The following CTNNA2 variants were observed in gnomAD, a reference collection of about 807,000 sequenced individuals.
CTNNA2 encodes catenin alpha 2, also known as catenin alpha-2.
A neutral mutation model predicts 101.0 loss-of-function variants in CTNNA2; 42 were observed. That is an observed-to-expected ratio of 0.42 (90% confidence interval 0.32 to 0.54). The LOEUF is 0.54. CTNNA2 is among the 20% of genes least tolerant of loss of function. The pLI is 0.14. For synonymous variants in CTNNA2, 450 were observed against 456.4 expected (o/e 0.99, Z 0.18); for missense variants, 871 against 1,223.1 (o/e 0.71, Z 4.29).
At chr2:80,593,894 G>C (rs995622990) in intron 15 of CTNNA2, among the ~76,000 whole-genome samples, 1 of 152,062 alleles carries the variant, frequency 6.6e-6, no homozygotes, top group African/African-American at 2.4e-5. Context: ...TAAGCACTTG[G>C]GTTGCTTCCA....
At chr2:80,227,410 G>A (rs1295170063) in intron 7 of CTNNA2, among the ~76,000 whole-genome samples, 1 of 152,208 alleles carries the variant, frequency 6.6e-6, no homozygotes, top group Non-Finnish European at 1.5e-5. Flanking sequence ...AGCACTGGAA[G>A]CTTGTCCACG....
At chr2:80,062,086 G>C (rs564380235) in intron 7 of CTNNA2, among the ~76,000 whole-genome samples, 14 of 152,306 alleles carry the variant, frequency 9.2e-5, no homozygotes, top group Admixed American at 4.6e-4. Flanking sequence ...CATTGCCACT[G>C]TAGCTTTGAG....
intron 2 of CTNNA2, among the ~76,000 whole-genome samples, chr2:79,665,000 C>G (rs1168782728): frequency 1.3e-5 from 2 of 152,120 alleles, no homozygotes; most frequent in African/African-American, 4.8e-5. Context: ...CGTGAGCCAC[C>G]GTTCCCGGCC....
chr2:79,775,693 T>A (rs1673910403), intron 3 of CTNNA2, among the ~76,000 whole-genome samples: 1 of 152,154 alleles, frequency 6.6e-6, no homozygotes, highest in Non-Finnish European at 1.5e-5. Context: ...CATTAGGCCA[T>A]TTTTTTATGT....
chr2:79,441,703 T>G (rs1678779738), intron 4 of CTNNA2, among the ~76,000 whole-genome samples: 1 of 152,170 alleles, frequency 6.6e-6, no homozygotes. Flanking sequence ...ACTTTTAAAA[T>G]GTATATGAGA....
At chr2:79,350,348 A>G (rs1677359964) in intron 3 of CTNNA2, among the ~76,000 whole-genome samples, 1 of 152,022 alleles carries the variant, frequency 6.6e-6, no homozygotes, top group African/African-American at 2.4e-5. Context: ...TTGTGTACCC[A>G]TTGTTTAGCT....
intron 7 of CTNNA2, among the ~76,000 whole-genome samples, chr2:80,188,477 T>A (rs1375666557): frequency 6.6e-6 from 1 of 152,070 alleles, no homozygotes. Flanking sequence ...CAACAAAAAT[T>A]TATTATCTGA....
intron 12 of CTNNA2, among the ~76,000 whole-genome samples, chr2:80,571,534 T>C (rs1694595349): frequency 1.3e-5 from 2 of 152,216 alleles, no homozygotes; most frequent in Non-Finnish European, 2.9e-5. Flanking sequence ...AAGTGGTATA[T>C]ATCCTTTTAG....
chr2:80,281,034 C>T lies in CTNNA2; in HGVS notation c.1057-112177C>T, dbSNP rs577217950. On this transcript the variant is annotated intron_variant, in intron 7 of 18. Coordinates refer to ENST00000402739, the MANE Select transcript of CTNNA2 (RefSeq NM_001282597.3). ...ATTTTTGAAATGCTGCAGGGAAACG[C>T]CATCATTTCTCTCTGCCTTCTCAAG... 7.2e-5 allele frequency among the ~76,000 whole-genome samples: 11 copies of T among 152,224 alleles called. No homozygotes were observed. In the East Asian group the frequency reaches 1.7e-3, roughly 24 times the overall value.
intron 7 of CTNNA2, among the ~76,000 whole-genome samples, chr2:80,096,928 A>T (rs1285211378): frequency 6.6e-6 from 1 of 152,156 alleles, no homozygotes; most frequent in Non-Finnish European, 1.5e-5. Context: ...TCTCCTGAAT[A>T]CAGCACACTG....
intron 4 of CTNNA2, among the ~76,000 whole-genome samples, chr2:79,382,708 G>T (rs988115381): frequency 1.3e-5 from 2 of 152,110 alleles, no homozygotes; most frequent in African/African-American, 2.4e-5. Flanking sequence ...CTGCCTCCCG[G>T]GTTCATGCCA....
At chr2:79,874,386 T>TAA (rs1558601764) in intron 6 of CTNNA2, 44 bp downstream of exon 6, 1 of 1,559,540 alleles carries the variant, frequency 6.4e-7, no homozygotes, top group Non-Finnish European at 8.6e-7. Flanking sequence ...GCACTGGTGT[T>TAA]GACAAAAAAA....
intron 1 of CTNNA2, among the ~76,000 whole-genome samples, chr2:79,620,423 C>T (rs541928301): frequency 2.0e-5 from 3 of 152,250 alleles, no homozygotes; most frequent in East Asian, 3.9e-4. Flanking sequence ...GAAATGTCAC[C>T]TTATATGTGA....
intron 8 of CTNNA2, among the ~76,000 whole-genome samples, chr2:80,395,887 G>A (rs1677966672): frequency 6.6e-6 from 1 of 152,130 alleles, no homozygotes; most frequent in Admixed American, 6.6e-5. Flanking sequence ...AAATATTTTA[G>A]TTTATAAAAA....
intron 3 of CTNNA2, among the ~76,000 whole-genome samples, chr2:79,351,462 G>A (rs1327445350): frequency 2.0e-5 from 3 of 152,042 alleles, no homozygotes; most frequent in Admixed American, 6.6e-5. Flanking sequence ...ACAATCGGGG[G>A]TACATGTGCA....
At chr2:80,631,868 G>T (rs1390150770) in intron 18 of CTNNA2, among the ~76,000 whole-genome samples, 4 of 152,102 alleles carry the variant, frequency 2.6e-5, no homozygotes, top group African/African-American at 9.7e-5. Flanking sequence ...CGCCTAAAGT[G>T]ATGTAGTACT....
chr2:79,869,356 A>G (rs1190663691), intron 4 of CTNNA2, among the ~76,000 whole-genome samples: 1 of 152,244 alleles, frequency 6.6e-6, no homozygotes, highest in Non-Finnish European at 1.5e-5. Flanking sequence ...TCCCGGTGCT[A>G]GAGATGTTGT....
intron 2 of CTNNA2, among the ~76,000 whole-genome samples, chr2:79,725,850 A>G (rs1287353244): frequency 6.6e-6 from 1 of 152,142 alleles, no homozygotes; most frequent in Non-Finnish European, 1.5e-5. Context: ...CTGTTCTATG[A>G]GTCCAGGAGG....
At chr2:80,184,582 GA>G (rs1188064933) in intron 7 of CTNNA2, among the ~76,000 whole-genome samples, 1 of 152,178 alleles carries the variant, frequency 6.6e-6, no homozygotes, top group Non-Finnish European at 1.5e-5. Context: ...AAACTGGTCT[GA>G]AAATGTGTGG....
Sources: gnomAD v4.1 joint callset for allele counts (sites outside exome capture counted in the v4.1 genomes callset) on GRCh38, gnomAD v4.1.1 for gene constraint, MANE v1.5 for transcripts, NCBI Gene and HGNC (gene_info 2026-07-23, HGNC 2026-07-21) for gene names.